The following WDR70 variants were observed in gnomAD, a reference collection of about 807,000 sequenced individuals.
WDR70 encodes the protein WD repeat domain 70.
In WDR70, 53 loss-of-function variants were observed where a neutral mutation model predicts 88.6. The ratio of observed to expected loss-of-function variants is 0.60; its 90% CI spans 0.48 to 0.75. The LOEUF (loss-of-function observed/expected upper bound fraction) is 0.75, where lower values mean the gene tolerates loss of function less well. Among genes scored for constraint, WDR70 ranks in the 30% least tolerant of loss-of-function variants. The pLI is 0.00. For missense variants in WDR70, 610 were observed against 823.2 expected, an observed-to-expected ratio of 0.74 and a Z score of 3.17; for synonymous variants, 280 against 270.0, an observed-to-expected ratio of 1.04 and a Z score of -0.36.
intron 8 of WDR70, among the ~76,000 whole-genome samples, chr5:37,501,350 G>T (rs532627417): frequency 1.3e-5 from 2 of 152,048 alleles, no homozygotes; most frequent in African/African-American, 4.8e-5. Context: ...GTTTTTCCTA[G>T]GATTTCTTGT....
At chr5:37,417,677 T>A (rs1413955399) in intron 5 of WDR70, among the ~76,000 whole-genome samples, 1 of 152,146 alleles carries the variant, frequency 6.6e-6, no homozygotes, top group East Asian at 1.9e-4. Flanking sequence ...TGGCTGAGAC[T>A]GCAGGCGTGC....
At chr5:37,712,015 C>T (rs1309407960) in intron 13 of WDR70, among the ~76,000 whole-genome samples, 10 of 119,620 alleles carry the variant, frequency 8.4e-5, no homozygotes, top group East Asian at 5.4e-4. Flanking sequence ...TTTCTTGAGA[C>T]GGAGTCTCAC....
chr5:37,633,369 A>G (rs988866122), intron 10 of WDR70, among the ~76,000 whole-genome samples: 4 of 152,092 alleles, frequency 2.6e-5, no homozygotes, highest in African/African-American at 9.7e-5. Context: ...ATTCTATACT[A>G]TATTTATGTA....
chr5:37,534,501 T>TC (rs1256599458), intron 9 of WDR70, among the ~76,000 whole-genome samples: 1 of 149,598 alleles, frequency 6.7e-6, no homozygotes, highest in East Asian at 2.0e-4. Context: ...AAATCAGGCT[T>TC]TTTTTTTTTT....
chr5:37,738,629 G>T (rs1490480016), intron 17 of WDR70, among the ~76,000 whole-genome samples: 4 of 152,062 alleles, frequency 2.6e-5, no homozygotes, highest in Non-Finnish European at 5.9e-5. Flanking sequence ...ATTGCAGAGG[G>T]ACTCTTTATT....
At chr5:37,524,941 T>C (rs954599490) in intron 9 of WDR70, among the ~76,000 whole-genome samples, 4 of 152,190 alleles carry the variant, frequency 2.6e-5, no homozygotes, top group African/African-American at 9.7e-5. Context: ...ATCCTAAATA[T>C]ATATGCACCC....
chr5:37,671,426 G>A (rs1746021490), intron 10 of WDR70, among the ~76,000 whole-genome samples: 1 of 152,082 alleles, frequency 6.6e-6, no homozygotes, highest in Admixed American at 6.6e-5. Context: ...GGGCAGGGGT[G>A]GGAGGTTGCA....
chr5:37,705,684 A>G (rs529569211), intron 13 of WDR70, among the ~76,000 whole-genome samples: 1 of 152,294 alleles, frequency 6.6e-6, no homozygotes, highest in African/African-American at 2.4e-5. Context: ...AAAGGTGGAC[A>G]CTTTGCTAGA....
At chr5:37,747,512 G>C (rs1456213883) in intron 17 of WDR70, among the ~76,000 whole-genome samples, 6 of 152,234 alleles carry the variant, frequency 3.9e-5, no homozygotes, top group Non-Finnish European at 1.5e-5. Context: ...AAAATAATAA[G>C]AGCTATTTAT....
intron 9 of WDR70, among the ~76,000 whole-genome samples, chr5:37,568,509 C>T (rs1001500940): frequency 1.3e-5 from 2 of 152,184 alleles, no homozygotes; most frequent in African/African-American, 4.8e-5. Context: ...TCTCTGAAAT[C>T]AGTGGGGCAA....
intron 8 of WDR70, among the ~76,000 whole-genome samples, chr5:37,494,323 C>A (rs184004117): frequency 2.5e-4 from 38 of 152,228 alleles, no homozygotes; most frequent in African/African-American, 7.9e-4. Flanking sequence ...GTGAGAGAAA[C>A]ATTACTGGAA....
At chr5:37,687,951 C>T in intron 10 of WDR70, 1 of 693,420 alleles carries the variant, frequency 1.4e-6, no homozygotes, top group Non-Finnish European at 2.6e-6. Flanking sequence ...TCTGCATGCT[C>T]TGGGCTCACA....
chr5:37,704,824 C>G (rs1324896269), intron 13 of WDR70, among the ~76,000 whole-genome samples: 1 of 150,928 alleles, frequency 6.6e-6, no homozygotes, highest in African/African-American at 2.4e-5. Flanking sequence ...AGAGAGATAT[C>G]TAGAGTTAGA....
At position 37,456,528 on chromosome 5, in the gene WDR70, A is replaced by G. The variant is rs187012723; in HGVS notation, c.686+13156A>G. Among the ~76,000 whole-genome samples the G allele has an allele frequency of 1.8e-3, 269 of 152,330 alleles. 2 individuals are homozygous for G. Among genetic ancestry groups the G allele is most frequent in the African/African-American group, 6.1e-3 (253 of 41,560 alleles). Reference sequence around the variant, plus strand: ...TTCCATAAATATTTTTTAAATAGAAAAAGTAGTTTCCAAAAAAATTCCACT... The same window carrying G: ...TTCCATAAATATTTTTTAAATAGAAGAAGTAGTTTCCAAAAAAATTCCACT... On this transcript the variant is annotated intron_variant, in intron 7 of 17. Transcript: ENST00000265107.
At chr5:37,679,770 G>T (rs557711862) in intron 10 of WDR70, among the ~76,000 whole-genome samples, 2 of 152,334 alleles carry the variant, frequency 1.3e-5, no homozygotes, top group Non-Finnish European at 1.5e-5. Context: ...AGAGCTGTCA[G>T]ACCGGGACAT....
At chr5:37,661,683 CTTG>C (rs1359642732) in intron 10 of WDR70, among the ~76,000 whole-genome samples, 1 of 152,116 alleles carries the variant, frequency 6.6e-6, no homozygotes, top group African/African-American at 2.4e-5. Context: ...GTGAGGTTTT[CTTG>C]TTGTCTTATG....
At chr5:37,630,176 C>T (rs1744772874) in intron 10 of WDR70, among the ~76,000 whole-genome samples, 1 of 152,158 alleles carries the variant, frequency 6.6e-6, no homozygotes, top group South Asian at 2.1e-4. Context: ...GTGGGTCAGG[C>T]AGCTTGGAGT....
intron 17 of WDR70, among the ~76,000 whole-genome samples, chr5:37,731,317 G>A (rs1748137669): frequency 6.6e-6 from 1 of 152,112 alleles, no homozygotes. Flanking sequence ...TACTGTAGCA[G>A]AACAGACTAT....
At chr5:37,518,312 T>C (rs1027902267) in intron 9 of WDR70, among the ~76,000 whole-genome samples, 5 of 152,188 alleles carry the variant, frequency 3.3e-5, no homozygotes. Flanking sequence ...TTTCTATTTT[T>C]TTTTTTAACC....
Sources: gnomAD v4.1 joint callset for allele counts (sites outside exome capture counted in the v4.1 genomes callset) on GRCh38, gnomAD v4.1.1 for gene constraint, MANE v1.5 for transcripts, NCBI Gene and HGNC (gene_info 2026-07-23, HGNC 2026-07-21) for gene names.